PALM2AKAP2: variants seen among roughly 807,000 people sequenced by gnomAD.
PALM2AKAP2 encodes PALM2 and AKAP2 fusion.
Under a neutral mutation model 71.5 loss-of-function variants are expected in PALM2AKAP2, and 37 were observed. The ratio of observed to expected loss-of-function variants is 0.52; its 90% CI spans 0.40 to 0.68. The LOEUF is 0.68. Among genes scored for constraint, PALM2AKAP2 ranks in the 30% least tolerant of loss-of-function variants. PALM2AKAP2 has a pLI of 0.00. For missense variants in PALM2AKAP2, 1,224 were observed against 1,191.8 expected, an observed-to-expected ratio of 1.03 and a Z score of -0.40; for synonymous variants, 468 against 478.8, an observed-to-expected ratio of 0.98 and a Z score of 0.29.
At chr9:109,712,441 C>T (rs1363367303) in intron 1 of PALM2AKAP2, among the ~76,000 whole-genome samples, 1 of 152,156 alleles carries the variant, frequency 6.6e-6, no homozygotes, top group African/African-American at 2.4e-5. Flanking sequence ...TACGTTTTCC[C>T]GGTCTCCAGA....
At chr9:109,926,520 G>A (rs931407912) in intron 5 of PALM2AKAP2, among the ~76,000 whole-genome samples, 10 of 152,090 alleles carry the variant, frequency 6.6e-5, no homozygotes, top group Admixed American at 4.6e-4. Context: ...TGGCCTTGGG[G>A]AATTGTGGGT....
At position 110,168,581 on chromosome 9, in the gene PALM2AKAP2, T is replaced by G. The variant is rs961706452; in HGVS notation, c.*84T>G. Reference sequence around the variant, plus strand: ...AACAACTGAAAGCATTTTAATGGACTATTTATTAAAGTGCAAACAAACTCA... The same window carrying G: ...AACAACTGAAAGCATTTTAATGGACGATTTATTAAAGTGCAAACAAACTCA... On this transcript the variant is annotated 3_prime_UTR_variant, in exon 4 of 4. Coordinates refer to ENST00000374525, the Ensembl canonical transcript of PALM2AKAP2. 42 of 1,484,204 alleles carry G rather than the reference T, an allele frequency of 2.8e-5. No homozygotes were observed. In the African/African-American group the frequency reaches 4.8e-4, roughly 17 times the overall value. 91.9% of individuals were successfully genotyped at this position (1,484,204 alleles called of 1,614,324 possible).
intron 1 of PALM2AKAP2, among the ~76,000 whole-genome samples, chr9:110,071,822 T>G (rs1044868885): frequency 6.6e-6 from 1 of 152,232 alleles, no homozygotes; most frequent in Non-Finnish European, 1.5e-5. Context: ...GAGATACTTG[T>G]GTTCTGCCCA....
intron 6 of PALM2AKAP2, among the ~76,000 whole-genome samples, chr9:110,003,083 G>A (rs1484327465): frequency 1.3e-5 from 2 of 152,080 alleles, no homozygotes; most frequent in African/African-American, 2.4e-5. Flanking sequence ...GCTTTTGAAC[G>A]TGTTTGCTCT....
At chr9:110,059,869 T>C (rs955013945) in intron 1 of PALM2AKAP2, among the ~76,000 whole-genome samples, 7 of 152,218 alleles carry the variant, frequency 4.6e-5, no homozygotes, top group African/African-American at 1.7e-4. Flanking sequence ...TTATCAGTTA[T>C]GCTCAGAAAG....
At chr9:109,832,838 C>T (rs1460413653) in intron 1 of PALM2AKAP2, among the ~76,000 whole-genome samples, 1 of 152,154 alleles carries the variant, frequency 6.6e-6, no homozygotes, top group African/African-American at 2.4e-5. Context: ...TGAGCCCCAC[C>T]CTCAGAGAGG....
intron 6 of PALM2AKAP2, among the ~76,000 whole-genome samples, chr9:109,952,709 G>A (rs1310593096): frequency 6.6e-6 from 1 of 152,116 alleles, no homozygotes; most frequent in Non-Finnish European, 1.5e-5. Context: ...TGAATGGCAG[G>A]GCTTTCTTTA....
At chr9:109,692,521 C>T (rs896850770) in intron 1 of PALM2AKAP2, among the ~76,000 whole-genome samples, 3 of 151,938 alleles carry the variant, frequency 2.0e-5, no homozygotes, top group African/African-American at 7.2e-5. Flanking sequence ...CATTCCTGAT[C>T]TTAGGAGAAA....
At chr9:109,713,031 T>C (rs925461798) in intron 1 of PALM2AKAP2, among the ~76,000 whole-genome samples, 1 of 152,228 alleles carries the variant, frequency 6.6e-6, no homozygotes. Context: ...CTCTGCTCCA[T>C]CACTTAAGTA....
At chr9:109,988,795 G>T (rs536560131) in intron 6 of PALM2AKAP2, among the ~76,000 whole-genome samples, 1 of 152,186 alleles carries the variant, frequency 6.6e-6, no homozygotes, top group African/African-American at 2.4e-5. Context: ...TACCCAAATC[G>T]TATCTTTGAA....
At chr9:110,150,985 C>G (rs993078211) in intron 2 of PALM2AKAP2, among the ~76,000 whole-genome samples, 1 of 152,114 alleles carries the variant, frequency 6.6e-6, no homozygotes, top group Non-Finnish European at 1.5e-5. Context: ...GCTAACTTAA[C>G]CATTCTTCAA....
chr9:109,921,379 C>A (rs1163020801), intron 3 of PALM2AKAP2, among the ~76,000 whole-genome samples: 2 of 152,234 alleles, frequency 1.3e-5, no homozygotes, highest in African/African-American at 4.8e-5. Context: ...TGTTTACCAG[C>A]ATCCCTGGCC....
At chr9:109,833,138 C>T (rs1201447073) in intron 1 of PALM2AKAP2, among the ~76,000 whole-genome samples, 5 of 152,032 alleles carry the variant, frequency 3.3e-5, no homozygotes, top group Non-Finnish European at 5.9e-5. Flanking sequence ...AGGTGGATCA[C>T]GAGGTCAGGA....
intron 1 of PALM2AKAP2, among the ~76,000 whole-genome samples, chr9:109,704,521 T>C (rs189776907): frequency 2.0e-4 from 31 of 152,326 alleles, no homozygotes; most frequent in Admixed American, 5.2e-4. Flanking sequence ...GAATGGAGTT[T>C]CTGATGGAAA....
chr9:110,110,332 T>G (rs552415713), intron 1 of PALM2AKAP2, among the ~76,000 whole-genome samples: 2 of 152,236 alleles, frequency 1.3e-5, no homozygotes, highest in African/African-American at 4.8e-5. Flanking sequence ...TTGGTGAGTT[T>G]CAGATCCCCA....
intron 1 of PALM2AKAP2, among the ~76,000 whole-genome samples, chr9:109,731,638 T>G (rs1828557326): frequency 6.6e-6 from 1 of 152,198 alleles, no homozygotes; most frequent in African/African-American, 2.4e-5. Context: ...GCTATTATTA[T>G]TAATAGTAGT....
At chr9:109,725,006 T>C (rs537492821) in intron 1 of PALM2AKAP2, among the ~76,000 whole-genome samples, 2 of 152,190 alleles carry the variant, frequency 1.3e-5, no homozygotes, top group Non-Finnish European at 2.9e-5. Flanking sequence ...ATAGACAAAG[T>C]AAACAATCAT....
chr9:109,879,961 G>A (rs548371426), intron 2 of PALM2AKAP2, among the ~76,000 whole-genome samples: 1 of 152,144 alleles, frequency 6.6e-6, no homozygotes, highest in Non-Finnish European at 1.5e-5. Flanking sequence ...GCCTCCCAAA[G>A]TGTTGGGATT....
chr9:110,063,803 A>G (rs1332211691), intron 1 of PALM2AKAP2, among the ~76,000 whole-genome samples: 5 of 152,184 alleles, frequency 3.3e-5, no homozygotes, highest in Non-Finnish European at 7.3e-5. Flanking sequence ...TAAAGACTTC[A>G]TTTTAATTTA....
Sources: allele counts gnomAD v4.1 joint callset (sites outside exome capture counted in the v4.1 genomes callset), GRCh38; gene constraint gnomAD v4.1.1; transcripts MANE v1.5; gene names NCBI Gene and HGNC (gene_info 2026-07-23, HGNC 2026-07-21).